The following BPNT1 variants were observed in gnomAD, a reference collection of about 807,000 sequenced individuals.
The protein encoded by BPNT1 is 3'(2'), 5'-bisphosphate nucleotidase 1.
Under a neutral mutation model 36.9 loss-of-function variants are expected in BPNT1, and 28 were observed. The ratio of observed to expected loss-of-function variants is 0.76; its 90% CI spans 0.56 to 1.04. The LOEUF (loss-of-function observed/expected upper bound fraction) is 1.04, where lower values mean the gene tolerates loss of function less well. Among genes scored for constraint, BPNT1 ranks in the 50% least tolerant of loss-of-function variants. The probability of loss-of-function intolerance (pLI) is 0.00; values close to 1 mark genes in which losing one functional copy is unlikely to be tolerated. For synonymous variants in BPNT1, 119 were observed against 130.9 expected (o/e 0.91, Z 0.62); for missense variants, 313 against 372.9 (o/e 0.84, Z 1.32).
chr1:220,079,813 C>T lies in BPNT1; in HGVS notation c.34G>A (p.Val12Ile). 6.2e-7 allele frequency: 1 copy of T among 1,613,808 alleles called. No homozygotes were observed. Among genetic ancestry groups the T allele is most frequent in the Non-Finnish European group, 8.5e-7 (1 of 1,179,702 alleles). ...TGAGCAATAGAATATGCGGAGGCTACCAACCGCATCAACACAGTGTTACTG... is the reference window on the plus strand; with the variant it reads ...TGAGCAATAGAATATGCGGAGGCTATCAACCGCATCAACACAGTGTTACTG... ...ASSNTVLMRL[V>I]ASAYSIAQKA... is the part of the protein sequence containing the mutation. Residue 12 changes from valine to isoleucine, a missense_variant, in exon 2 of 9, where the codon GTA (valine) becomes ATA (isoleucine). Coordinates refer to ENST00000322067, the MANE Select transcript of BPNT1 (RefSeq NM_006085.6).
chr1:220,072,117 C>G (rs985790409), intron 4 of BPNT1, among the ~76,000 whole-genome samples: 1 of 150,600 alleles, frequency 6.6e-6, no homozygotes, highest in African/African-American at 2.4e-5. Flanking sequence ...AATCCCAGCA[C>G]TTTGGGAGGC....
intron 7 of BPNT1, among the ~76,000 whole-genome samples, chr1:220,062,137 TATTTC>T (rs1663093502): frequency 6.6e-6 from 1 of 151,938 alleles, no homozygotes; most frequent in Admixed American, 6.6e-5. Flanking sequence ...TTTAAACGCT[TATTTC>T]TTTTTTTTTT....
chr1:220,079,998 A>C, intron 1 of BPNT1, 144 bp from the exon 2 acceptor site: 2 of 828,134 alleles, frequency 2.4e-6, no homozygotes, highest in Non-Finnish European at 3.5e-6. Flanking sequence ...ATATATATTT[A>C]CTAAAAGAGA....
intron 1 of BPNT1, among the ~76,000 whole-genome samples, chr1:220,081,897 C>T (rs954536414): frequency 7.9e-5 from 12 of 151,860 alleles, no homozygotes; most frequent in African/African-American, 2.2e-4. Context: ...CCTTCCTCCC[C>T]TTCCCTTCCA....
At chr1:220,068,370 G>A (rs1161693560) in intron 5 of BPNT1, among the ~76,000 whole-genome samples, 1 of 151,996 alleles carries the variant, frequency 6.6e-6, no homozygotes, top group Non-Finnish European at 1.5e-5. Flanking sequence ...TTTTAGGAGA[G>A]AAGGTGTTTC....
intron 4 of BPNT1, among the ~76,000 whole-genome samples, chr1:220,072,139 G>A (rs2102690248): frequency 6.6e-6 from 1 of 150,650 alleles, no homozygotes. Context: ...GAGGTAGGCG[G>A]ATCACGAGGT....
rs184216618 is a variant in BPNT1 at position 220,066,699 on chromosome 1, T to C, written c.474+603A>G. On this transcript the variant is annotated intron_variant, in intron 6 of 8. Coordinates refer to ENST00000322067, the MANE Select transcript of BPNT1 (RefSeq NM_006085.6). ...CTTCTATGGAAGGCAATTTATCTGA[T>C]GTATAATAGAAAATCAAAGCAGATT... Among the ~76,000 whole-genome samples, 270 of 152,278 alleles carry C rather than the reference T, an allele frequency of 1.8e-3. 2 individuals carry two copies. Among genetic ancestry groups the C allele is most frequent in the African/African-American group, 6.4e-3 (265 of 41,564 alleles).
chr1:220,081,271 G>A (rs116249212), intron 1 of BPNT1, among the ~76,000 whole-genome samples: 8,201 of 152,168 alleles, frequency 0.054, 313 homozygotes, highest in Middle Eastern at 0.099. Flanking sequence ...GGCCGGGCAC[G>A]GTGACTAACG....
At position 220,058,820 on chromosome 1, in the gene BPNT1, C is replaced by CG. The variant is rs1662745850; in HGVS notation, c.*23dup. On this transcript the variant is annotated 3_prime_UTR_variant, in exon 9 of 9. Transcript: ENST00000322067. ...CTGGGATTACAGGCATGAGCCACCGCGCCCGGCCAAATGAAACTTTCCTTT... is the reference window on the plus strand; with the variant it reads ...CTGGGATTACAGGCATGAGCCACCGCGGCCCGGCCAAATGAAACTTTCCTTT... 1 of 1,611,290 alleles carries CG rather than the reference C, an allele frequency of 6.2e-7. No individual in the cohort carries two copies. The highest frequency in any genetic ancestry group is 1.7e-5 in the Admixed American group (1 of 59,956).
intron 2 of BPNT1, among the ~76,000 whole-genome samples, chr1:220,078,540 ATAT>A (rs1336398407): frequency 1.4e-5 from 2 of 140,324 alleles, no homozygotes; most frequent in East Asian, 2.0e-4. Flanking sequence ...TACATTATAT[ATAT>A]TATAATTATA....
At chr1:220,077,077 A>C (rs1392851152) in intron 2 of BPNT1, among the ~76,000 whole-genome samples, 1 of 152,182 alleles carries the variant, frequency 6.6e-6, no homozygotes, top group African/African-American at 2.4e-5. Context: ...TAATGATTAA[A>C]GAGAACAGTA....
At chr1:220,062,234 C>T (rs1479965625) in intron 7 of BPNT1, among the ~76,000 whole-genome samples, 1 of 150,884 alleles carries the variant, frequency 6.6e-6, no homozygotes, top group East Asian at 2.0e-4. Flanking sequence ...TGCTGGTGTG[C>T]TGCACCCATT....
At chr1:220,068,688 G>A (rs1663768958) in intron 5 of BPNT1, among the ~76,000 whole-genome samples, 1 of 151,976 alleles carries the variant, frequency 6.6e-6, no homozygotes, top group African/African-American at 2.4e-5. Flanking sequence ...GCAGGTGCCT[G>A]TAATCCCCGC....
chr1:220,066,224 T>C lies in BPNT1; in HGVS notation c.474+1078A>G, dbSNP rs547354895. Reference sequence around the variant, plus strand: ...TGATGAAAGGTACCGTGCATTACAATGCTTTATATGAATTAAATGCCCCTT... The same window carrying C: ...TGATGAAAGGTACCGTGCATTACAACGCTTTATATGAATTAAATGCCCCTT... On this transcript the variant is annotated intron_variant, in intron 6 of 8. Coordinates refer to ENST00000322067, the MANE Select transcript of BPNT1 (RefSeq NM_006085.6). 175 of 622,348 alleles carry C rather than the reference T, an allele frequency of 2.8e-4. No individual in the cohort carries two copies. The African/African-American group carries it at 3.1e-3, about 11-fold the overall frequency. 38.6% of individuals were successfully genotyped at this position (622,348 alleles called of 1,614,324 possible). A position where few individuals can be genotyped will look rare whatever the true frequency, so the allele number is the denominator to read the frequency against.
Position 220,057,808 on chromosome 1 carries a change from T to A in BPNT1, c.*1036A>T, listed in dbSNP as rs1282749964. The A allele has an allele frequency of 2.4e-6, 3 of 1,241,510 alleles. No individual in the cohort carries two copies. In the East Asian group the frequency reaches 1.7e-4, roughly 70 times the overall value. The allele number at this position is 1,241,510 out of a possible 1,614,324, so 76.9% of individuals were successfully genotyped here. ...ATATATAATAACATCATATATATTC[T>A]TAATTGGAGTAGAAACGTTTTTAAA... On this transcript the variant is annotated 3_prime_UTR_variant, in exon 9 of 9. Coordinates refer to ENST00000322067, the MANE Select transcript of BPNT1 (RefSeq NM_006085.6).
At position 220,071,915 on chromosome 1, in the gene BPNT1, G is replaced by A. The variant is rs537949384; in HGVS notation, c.333+935C>T. On this transcript the variant is annotated intron_variant, in intron 4 of 8. Transcript: ENST00000322067. ...TTGGTCAGGCTGGTCTTGAACTCTC[G>A]ACCTCAGGTGATCTGCCCGCCTCAG... Among the ~76,000 whole-genome samples the A allele has an allele frequency of 5.9e-3, 894 of 151,878 alleles. 1 individual carries two copies. Among genetic ancestry groups the A allele is most frequent in the Non-Finnish European group, 8.7e-3 (594 of 67,888 alleles).
intron 1 of BPNT1, among the ~76,000 whole-genome samples, 158 bp from the exon 2 acceptor site, chr1:220,080,012 C>A (rs906840166): frequency 6.6e-6 from 1 of 152,132 alleles, no homozygotes. Flanking sequence ...AAAGAGACTT[C>A]GAAAAAACTC....
chr1:220,062,314 C>T (rs1663120209), intron 7 of BPNT1, among the ~76,000 whole-genome samples: 2 of 126,316 alleles, frequency 1.6e-5, no homozygotes, highest in South Asian at 5.2e-4. Flanking sequence ...CCACAACAGT[C>T]CCCAGAGTGT....
chr1:220,074,980 GT>G (rs141558360), intron 2 of BPNT1, among the ~76,000 whole-genome samples: 19,600 of 152,224 alleles, frequency 0.13, 1,371 homozygotes, highest in Middle Eastern at 0.2. Flanking sequence ...CTTATGATAT[GT>G]TGCAATTTAT....
Sources: allele counts gnomAD v4.1 joint callset (sites outside exome capture counted in the v4.1 genomes callset), GRCh38; gene constraint gnomAD v4.1.1; transcripts MANE v1.5; gene names NCBI Gene and HGNC (gene_info 2026-07-23, HGNC 2026-07-21).